Variants in MYO18B observed in about 807,000 individuals in gnomAD.
MYO18B encodes myosin XVIIIB.
MYO18B carries 204 observed loss-of-function variants against 273.0 expected under a neutral mutation model. That is an observed-to-expected ratio of 0.75 (90% CI 0.67 to 0.84). The LOEUF is 0.84. MYO18B is among the 40% of genes least tolerant of loss of function. The pLI is 0.00. For synonymous variants in MYO18B, 1,330 were observed against 1,305.7 expected, an observed-to-expected ratio of 1.02 and a Z score of -0.40; for missense variants, 3,212 against 3,287.6, an observed-to-expected ratio of 0.98 and a Z score of 0.56.
chr22:25,828,661 C>T (rs2089584786), intron 14 of MYO18B, 115 bp from the exon 15 acceptor site: 1 of 995,796 alleles, frequency 1.0e-6, no homozygotes, highest in Non-Finnish European at 1.5e-6. Flanking sequence ...CCTGAGGTCA[C>T]ACAGCCTGTA....
intron 29 of MYO18B, chr22:25,899,526 C>G (rs1203355696): frequency 6.6e-6 from 1 of 152,176 alleles, no homozygotes; most frequent in Non-Finnish European, 1.5e-5. Flanking sequence ...TGAACTTGAT[C>G]TGCATTAAAT....
chr22:25,825,537 T>C (rs2145903209), intron 13 of MYO18B, among the ~76,000 whole-genome samples: 1 of 152,162 alleles, frequency 6.6e-6, no homozygotes, highest in Admixed American at 6.5e-5. Context: ...TATACATGCG[T>C]GTGTGTGTGT....
the MYO18B span, among the ~76,000 whole-genome samples, chr22:26,048,328 A>C: frequency 6.6e-6 from 1 of 152,236 alleles, no homozygotes; most frequent in Non-Finnish European, 1.5e-5. Flanking sequence ...CTCTAGACCA[A>C]TGTGATAAAT....
At chr22:25,799,341 GCTCCTCAC>G (rs1022447204) in intron 12 of MYO18B, among the ~76,000 whole-genome samples, 2 of 152,124 alleles carry the variant, frequency 1.3e-5, no homozygotes, top group Admixed American at 6.6e-5. Flanking sequence ...GGCATTCAAA[GCTCCTCAC>G]CTCCTCACCT....
intron 34 of MYO18B, among the ~76,000 whole-genome samples, chr22:25,930,173 C>A (rs922854485): frequency 6.6e-6 from 1 of 152,106 alleles, no homozygotes; most frequent in African/African-American, 2.4e-5. Flanking sequence ...TTTGGGTGTC[C>A]TCTCTTGGAG....
the MYO18B span, among the ~76,000 whole-genome samples, chr22:26,063,604 C>A: frequency 1.3e-5 from 2 of 152,140 alleles, no homozygotes; most frequent in Non-Finnish European, 2.9e-5. Flanking sequence ...TGGTTTCCAT[C>A]TCTGATCAAC....
Position 25,898,313 on chromosome 22 carries a change from G to T in MYO18B, c.4675G>T (p.Glu1559Ter). ...CATTCTATTACTCTTACAGCTTGGG[G>T]AGTTGCAAAGTGCTTATGACGGGGC... ...ARKELEQKLGELQSAYDGAKK... is the reference protein window; with the variant it reads ...ARKELEQKLG The change falls in exon 29 of 44, where the codon GAG becomes TAG. Residue 1559 changes from glutamate to a stop codon, truncating the protein, a stop_gained. Transcript: ENST00000335473. LOFTEE classifies it high-confidence loss of function. The T allele has an allele frequency of 6.2e-7, 1 of 1,613,334 alleles. No homozygotes were observed. The highest frequency in any genetic ancestry group is 8.5e-7 in the Non-Finnish European group (1 of 1,179,644).
At chr22:25,974,678 C>T (rs1401753722) in intron 39 of MYO18B, among the ~76,000 whole-genome samples, 1 of 152,156 alleles carries the variant, frequency 6.6e-6, no homozygotes, top group South Asian at 2.1e-4. Context: ...AGGCAGGAGG[C>T]CAGATTTGAC....
chr22:26,059,597 T>C, the MYO18B span, among the ~76,000 whole-genome samples: 5 of 152,182 alleles, frequency 3.3e-5, no homozygotes, highest in African/African-American at 1.2e-4. Flanking sequence ...GAGGACGGTG[T>C]CTTCCTGGGC....
At chr22:26,016,068 T>C (rs1042091151) in intron 42 of MYO18B, among the ~76,000 whole-genome samples, 2 of 152,236 alleles carry the variant, frequency 1.3e-5, no homozygotes, top group African/African-American at 4.8e-5. Flanking sequence ...TGAATGAGTC[T>C]GAGATTTTCT....
chr22:25,887,932 C>T (rs1021719039), intron 25 of MYO18B, among the ~76,000 whole-genome samples: 4 of 152,176 alleles, frequency 2.6e-5, no homozygotes, highest in Non-Finnish European at 5.9e-5. Flanking sequence ...GTGGAGAGAA[C>T]ACAGTCCTGG....
intron 11 of MYO18B, among the ~76,000 whole-genome samples, chr22:25,794,868 C>T (rs1369406202): frequency 6.6e-6 from 1 of 152,230 alleles, no homozygotes; most frequent in Non-Finnish European, 1.5e-5. Flanking sequence ...AACATTCCTC[C>T]TTCCATGAAA....
At chr22:25,937,547 T>A (rs1245017248) in intron 34 of MYO18B, among the ~76,000 whole-genome samples, 1 of 151,680 alleles carries the variant, frequency 6.6e-6, no homozygotes, top group Non-Finnish European at 1.5e-5. Flanking sequence ...ATCAGACTTC[T>A]GGGCTGCACA....
chr22:25,785,602 G>T, intron 11 of MYO18B, 111 bp downstream of exon 11: 1 of 1,157,060 alleles, frequency 8.6e-7, no homozygotes, highest in Non-Finnish European at 1.3e-6. Flanking sequence ...TTCATAGTTG[G>T]CAAGGGTTGG....
chr22:25,764,004 C>A (rs1359569713), intron 3 of MYO18B, among the ~76,000 whole-genome samples: 1 of 152,104 alleles, frequency 6.6e-6, no homozygotes, highest in Admixed American at 6.6e-5. Context: ...AACCCTTGGC[C>A]CCCCAAGTGC....
chr22:26,037,544 A>G, the MYO18B span, among the ~76,000 whole-genome samples: 1 of 152,184 alleles, frequency 6.6e-6, no homozygotes. Flanking sequence ...CATTTGAAAG[A>G]GTTCCAAAGA....
At position 25,946,242 on chromosome 22, in the gene MYO18B, A is replaced by G. The variant is rs752751820; in HGVS notation, c.5623A>G (p.Lys1875Glu). 4 of 1,572,056 alleles carry G rather than the reference A, an allele frequency of 2.5e-6. No individual in the cohort carries two copies. Among genetic ancestry groups the G allele is most frequent in the Non-Finnish European group, 3.4e-6 (4 of 1,160,190 alleles). ...CGAGCTGGAGAACATGACGCGGAACAAGAGCCTGGTACCTGTCCCTTCCTG... is the reference window on the plus strand; with the variant it reads ...CGAGCTGGAGAACATGACGCGGAACGAGAGCCTGGTACCTGTCCCTTCCTG... ...HSELENMTRN[K>E]SLVDEQLYRL... The change falls in exon 35 of 44, where the codon AAG becomes GAG. Residue 1875 changes from lysine (K) to glutamate (E), a missense_variant. By Grantham distance (56) the Lys-to-Glu change is moderately conservative. Transcript: ENST00000335473.
intron 37 of MYO18B, among the ~76,000 whole-genome samples, chr22:25,951,632 G>A (rs558629218): frequency 6.6e-5 from 10 of 152,304 alleles, no homozygotes; most frequent in African/African-American, 2.4e-4. Flanking sequence ...ATTACCTAGA[G>A]GGTTGCTATT....
chr22:25,908,183 A>G (rs2092085328), intron 31 of MYO18B, 139 bp from the exon 32 acceptor site: 3 of 658,364 alleles, frequency 4.6e-6, no homozygotes, highest in Non-Finnish European at 5.4e-6. Context: ...GTGATCTTCC[A>G]GGATGCCTAG....
Sources: gnomAD v4.1 joint callset for allele counts (sites outside exome capture counted in the v4.1 genomes callset) on GRCh38, gnomAD v4.1.1 for gene constraint, MANE v1.5 for transcripts, NCBI Gene and HGNC (gene_info 2026-07-23, HGNC 2026-07-21) for gene names.